Variants in NBAS observed in about 807,000 individuals in gnomAD.
The protein encoded by NBAS is NAG/BC035112 fusion.
In NBAS, 219 loss-of-function variants were observed where a neutral mutation model predicts 302.5. That is an observed-to-expected ratio of 0.72 (90% CI 0.65 to 0.81). The LOEUF is 0.81. Ranked by LOEUF, NBAS falls within the 30% of genes least tolerant of loss-of-function variation. NBAS has a pLI of 0.00. For missense variants in NBAS, 2,932 were observed against 2,841.6 expected (o/e 1.03, Z -0.72); for synonymous variants, 1,118 against 1,021.6 (o/e 1.09, Z -1.80).
At chr2:15,081,679 A>G in the NBAS span, among the ~76,000 whole-genome samples, 12 of 152,158 alleles carry the variant, frequency 7.9e-5, no homozygotes, top group South Asian at 1.2e-3. Flanking sequence ...CCTCTTCCCT[A>G]TCGTGTGTAA....
intron 23 of NBAS, among the ~76,000 whole-genome samples, chr2:15,420,260 T>C (rs936889829): frequency 6.6e-6 from 1 of 151,964 alleles, no homozygotes; most frequent in African/African-American, 2.4e-5. Context: ...AAAGAAGCAG[T>C]GAATAATGTC....
the NBAS span, among the ~76,000 whole-genome samples, chr2:15,159,113 A>C: frequency 1.6e-4 from 25 of 152,162 alleles, no homozygotes; most frequent in Non-Finnish European, 3.5e-4. Flanking sequence ...TCAGAAGAGA[A>C]GAGGCATCAG....
chr2:14,921,780 T>C, the NBAS span, among the ~76,000 whole-genome samples: 1 of 152,184 alleles, frequency 6.6e-6, no homozygotes, highest in Non-Finnish European at 1.5e-5. Context: ...AGCATCATAG[T>C]TGGCTGAAAT....
the NBAS span, among the ~76,000 whole-genome samples, chr2:14,828,336 T>C: frequency 7.2e-3 from 1,092 of 152,252 alleles, 22 homozygotes; most frequent in African/African-American, 0.025. Context: ...AAGGGGCATT[T>C]GAGCTGACAC....
chr2:14,798,373 C>A, the NBAS span, among the ~76,000 whole-genome samples: 1 of 152,082 alleles, frequency 6.6e-6, no homozygotes, highest in South Asian at 2.1e-4. Context: ...TATGTTAATA[C>A]AGTGAATTAC....
chr2:15,444,022 G>A (rs1043928596), intron 21 of NBAS, among the ~76,000 whole-genome samples: 3 of 151,444 alleles, frequency 2.0e-5, no homozygotes, highest in Admixed American at 6.6e-5. Flanking sequence ...ACAAATGGAA[G>A]AACATTCCAT....
chr2:15,522,151 C>T (rs560496462), intron 9 of NBAS, among the ~76,000 whole-genome samples: 1 of 152,110 alleles, frequency 6.6e-6, no homozygotes, highest in Non-Finnish European at 1.5e-5. Flanking sequence ...CAGAGTAGTA[C>T]TTTAAGACCT....
intron 32 of NBAS, among the ~76,000 whole-genome samples, chr2:15,360,649 CTTTTTTT>C (rs369254532): frequency 3.2e-5 from 4 of 123,260 alleles, no homozygotes; most frequent in African/African-American, 9.0e-5. Context: ...CATGACCAGC[CTTTTTTT>C]TTTTTTTTTT....
chr2:15,296,093 T>G (rs1456591481), intron 40 of NBAS, among the ~76,000 whole-genome samples: 1 of 152,138 alleles, frequency 6.6e-6, no homozygotes, highest in African/African-American at 2.4e-5. Context: ...ACTTACACAA[T>G]CATAAGCCAA....
At chr2:15,219,303 ATTT>A (rs149822429) in intron 47 of NBAS, among the ~76,000 whole-genome samples, 190 of 144,164 alleles carry the variant, frequency 1.3e-3, no homozygotes, top group African/African-American at 4.4e-3. Flanking sequence ...CATTCTAGTA[ATTT>A]TTTTTTTTTC....
chr2:14,829,938 A>G, the NBAS span, among the ~76,000 whole-genome samples: 1,335 of 152,320 alleles, frequency 8.8e-3, 8 homozygotes, highest in Non-Finnish European at 0.013. Context: ...CATATTGGTT[A>G]AATTTCTTTC....
At chr2:14,992,030 G>A in the NBAS span, among the ~76,000 whole-genome samples, 1 of 152,160 alleles carries the variant, frequency 6.6e-6, no homozygotes, top group African/African-American at 2.4e-5. Context: ...AAGGCTTTCT[G>A]AAGGTGGAGA....
chr2:15,263,764 C>T (rs1229293976), intron 44 of NBAS, among the ~76,000 whole-genome samples: 3 of 152,162 alleles, frequency 2.0e-5, no homozygotes, highest in Non-Finnish European at 4.4e-5. Flanking sequence ...GCTCCACTGA[C>T]TCTATTATTA....
intron 30 of NBAS, among the ~76,000 whole-genome samples, chr2:15,378,600 A>C (rs756760842): frequency 2.1e-4 from 32 of 152,240 alleles, no homozygotes; most frequent in Non-Finnish European, 4.1e-4. Context: ...GAACACTTCC[A>C]TTAGCCTACA....
At chr2:14,862,299 A>G in the NBAS span, among the ~76,000 whole-genome samples, 6 of 152,080 alleles carry the variant, frequency 3.9e-5, no homozygotes, top group Non-Finnish European at 7.4e-5. Flanking sequence ...TTGTATTTTT[A>G]GTAAAGACGG....
the NBAS span, among the ~76,000 whole-genome samples, chr2:14,837,180 C>T: frequency 0.052 from 7,952 of 151,814 alleles, 693 homozygotes; most frequent in African/African-American, 0.18. Flanking sequence ...ACTAGCTAGA[C>T]CTCTCAGGAT....
the NBAS span, among the ~76,000 whole-genome samples, chr2:15,114,149 T>C: frequency 6.6e-6 from 1 of 152,144 alleles, no homozygotes; most frequent in East Asian, 1.9e-4. Context: ...AAGAAAATCA[T>C]AAAGGTGGAG....
At chr2:15,513,269 C>T (rs1409759257) in intron 9 of NBAS, among the ~76,000 whole-genome samples, 1 of 152,192 alleles carries the variant, frequency 6.6e-6, no homozygotes, top group Non-Finnish European at 1.5e-5. Context: ...TGCCTTGAAG[C>T]AACCTATTTT....
intron 28 of NBAS, among the ~76,000 whole-genome samples, chr2:15,390,733 CTT>C (rs1377978828): frequency 2.0e-5 from 3 of 152,042 alleles, no homozygotes; most frequent in African/African-American, 2.4e-5. Context: ...TAAAATAAGA[CTT>C]AATTTTTTAA....
Sources: gnomAD v4.1 joint callset for allele counts (sites outside exome capture counted in the v4.1 genomes callset) on GRCh38, gnomAD v4.1.1 for gene constraint, MANE v1.5 for transcripts, NCBI Gene and HGNC (gene_info 2026-07-23, HGNC 2026-07-21) for gene names.